Variants in FAF1 observed in about 807,000 individuals in gnomAD.
The protein encoded by FAF1 is FAS-associated factor 1.
FAF1 carries 25 observed loss-of-function variants against 92.5 expected under a neutral mutation model. The observed-to-expected ratio is 0.27, with a 90% CI of 0.20 to 0.38. The LOEUF (loss-of-function observed/expected upper bound fraction) is 0.38. Among genes scored for constraint, FAF1 ranks in the 10% least tolerant of loss-of-function variants. The probability of loss-of-function intolerance (pLI) is 1.00; values close to 1 mark genes in which losing one functional copy is unlikely to be tolerated. For synonymous variants in FAF1, 234 were observed against 273.2 expected, an observed-to-expected ratio of 0.86 and a Z score of 1.42; for missense variants, 636 against 793.3, an observed-to-expected ratio of 0.80 and a Z score of 2.38.
chr1:50,819,706 T>TATATATATATGTATATATATATAC (rs1644017585), intron 2 of FAF1, among the ~76,000 whole-genome samples: 1 of 46,536 alleles, frequency 2.1e-5, no homozygotes, highest in African/African-American at 7.0e-5. Context: ...TATATATACA[T>TATATATATATGTATATATATATAC]ATATATATAC....
chr1:50,775,490 G>T (rs1031558516), intron 4 of FAF1, among the ~76,000 whole-genome samples: 1 of 152,126 alleles, frequency 6.6e-6, no homozygotes, highest in Admixed American at 6.5e-5. Context: ...GTTAGGAAAG[G>T]CTTCATAGAA....
intron 1 of FAF1, among the ~76,000 whole-genome samples, chr1:50,924,121 C>CA (rs914980824): frequency 2.6e-5 from 4 of 151,938 alleles, no homozygotes; most frequent in African/African-American, 9.7e-5. Flanking sequence ...AGGAAGAGGT[C>CA]AAATCATTCT....
intron 2 of FAF1, among the ~76,000 whole-genome samples, chr1:50,855,314 T>C (rs1278620741): frequency 6.6e-6 from 1 of 151,840 alleles, no homozygotes; most frequent in Non-Finnish European, 1.5e-5. Context: ...CAGTGCTCAC[T>C]GAATGTGTTT....
intron 8 of FAF1, among the ~76,000 whole-genome samples, chr1:50,622,126 C>A (rs1653241489): frequency 6.7e-6 from 1 of 148,864 alleles, no homozygotes; most frequent in Non-Finnish European, 1.5e-5. Context: ...GATTACACCA[C>A]TGCACTCCAG....
chr1:50,922,413 C>A (rs1196128846), intron 1 of FAF1, among the ~76,000 whole-genome samples: 1 of 132,006 alleles, frequency 7.6e-6, no homozygotes, highest in Non-Finnish European at 1.6e-5. Context: ...GAACCAAGAT[C>A]GCGCCATTGC....
At chr1:50,555,637 A>G (rs1421502606) in intron 13 of FAF1, among the ~76,000 whole-genome samples, 1 of 152,200 alleles carries the variant, frequency 6.6e-6, no homozygotes, top group Non-Finnish European at 1.5e-5. Context: ...AGATGCAGTA[A>G]AAAGGAACTC....
intron 7 of FAF1, among the ~76,000 whole-genome samples, chr1:50,657,143 T>C (rs1431082435): frequency 6.6e-6 from 1 of 151,470 alleles, no homozygotes; most frequent in Non-Finnish European, 1.5e-5. Context: ...GTCCAGGAAG[T>C]TGAGGATACA....
intron 3 of FAF1, among the ~76,000 whole-genome samples, chr1:50,793,001 C>CA (rs1553140124): frequency 6.6e-6 from 1 of 151,202 alleles, no homozygotes; most frequent in Non-Finnish European, 1.5e-5. Context: ...TGTTTGTTTT[C>CA]TTTTTTTTTA....
chr1:50,797,624 A>G (rs1328686282), intron 3 of FAF1, among the ~76,000 whole-genome samples: 1 of 152,148 alleles, frequency 6.6e-6, no homozygotes, highest in African/African-American at 2.4e-5. Context: ...ACTTCAGTCC[A>G]GGAAGTCGAG....
chr1:50,694,885 C>T (rs1271723112), intron 7 of FAF1, among the ~76,000 whole-genome samples: 1 of 151,870 alleles, frequency 6.6e-6, no homozygotes, highest in African/African-American at 2.4e-5. Flanking sequence ...CTGCTTGAAC[C>T]CAACAGGTGG....
intron 1 of FAF1, among the ~76,000 whole-genome samples, chr1:50,865,849 GA>G (rs1319117548): frequency 0.029 from 3,670 of 124,900 alleles, 135 homozygotes; most frequent in African/African-American, 0.096. Context: ...AATAATAAAA[GA>G]AAAAAAAAAA....
At chr1:50,539,789 T>G in intron 13 of FAF1, 61 bp from the exon 14 acceptor site, 1 of 1,212,906 alleles carries the variant, frequency 8.2e-7, no homozygotes, top group Non-Finnish European at 1.2e-6. Flanking sequence ...TTACTAGTAC[T>G]TCAACAAAGA....
chr1:50,947,631 C>T (rs958669912), intron 1 of FAF1, among the ~76,000 whole-genome samples: 1 of 152,214 alleles, frequency 6.6e-6, no homozygotes, highest in Non-Finnish European at 1.5e-5. Flanking sequence ...ACAGCAAATT[C>T]AGCAGCAGCA....
At chr1:50,676,191 C>G (rs578108639) in intron 7 of FAF1, among the ~76,000 whole-genome samples, 1 of 150,886 alleles carries the variant, frequency 6.6e-6, no homozygotes, top group African/African-American at 2.4e-5. Context: ...CAGATCACCT[C>G]AGGTCAGGAG....
intron 7 of FAF1, among the ~76,000 whole-genome samples, chr1:50,700,022 TAGCGCACTTTAAAACAAAAAAAACTCCA>T (rs2124413156): frequency 6.6e-6 from 1 of 152,202 alleles, no homozygotes; most frequent in East Asian, 1.9e-4. Context: ...GGTGCTTAAA[TAGCGCACTTTAAAACAAAAAAAACTCCA>T]ATTGGCTTTT....
chr1:50,457,460 G>C (rs914709577), intron 18 of FAF1, among the ~76,000 whole-genome samples: 1 of 152,096 alleles, frequency 6.6e-6, no homozygotes, highest in Non-Finnish European at 1.5e-5. Flanking sequence ...GTTTACAATG[G>C]GGTTATTATA....
At position 50,672,575 on chromosome 1, in the gene FAF1, G is replaced by A. The variant is rs547715436; in HGVS notation, c.658-17047C>T. Among the ~76,000 whole-genome samples, 23 of 152,182 alleles carry A rather than the reference G, an allele frequency of 1.5e-4. 1 individual carries two copies. In the South Asian group the frequency reaches 4.4e-3, roughly 29 times the overall value. On this transcript the variant is annotated intron_variant, in intron 7 of 18. Coordinates refer to ENST00000396153, the MANE Select transcript of FAF1 (RefSeq NM_007051.3). ...TGGGATTATAGGCGTGAGCCACGGC[G>A]CCTGGCCAGCAATTTAAGTTTAAAT... is the stretch of plus-strand genomic sequence containing the variant.
At chr1:50,679,435 A>C in intron 7 of FAF1, among the ~76,000 whole-genome samples, 1 of 151,446 alleles carries the variant, frequency 6.6e-6, no homozygotes, top group Middle Eastern at 3.4e-3. Context: ...CATTATTTCT[A>C]CTTCACAGAT....
At chr1:50,842,689 G>A (rs189542022) in intron 2 of FAF1, among the ~76,000 whole-genome samples, 20 of 151,954 alleles carry the variant, frequency 1.3e-4, no homozygotes, top group Admixed American at 1.3e-3. Flanking sequence ...TTTTCACCTG[G>A]CTGGCTCCTC....
Sources: allele counts gnomAD v4.1 joint callset (sites outside exome capture counted in the v4.1 genomes callset), GRCh38; gene constraint gnomAD v4.1.1; transcripts MANE v1.5; gene names NCBI Gene and HGNC (gene_info 2026-07-23, HGNC 2026-07-21).